DAAM1: variants seen among roughly 807,000 people sequenced by gnomAD.
DAAM1 encodes the protein dishevelled associated activator of morphogenesis 1.
Under a neutral mutation model 130.0 loss-of-function variants are expected in DAAM1, and 52 were observed. The ratio of observed to expected loss-of-function variants is 0.40; its 90% CI spans 0.32 to 0.50. DAAM1 has a LOEUF of 0.50. Ranked by LOEUF, DAAM1 falls within the 20% of genes least tolerant of loss-of-function variation. The probability of loss-of-function intolerance (pLI) is 0.61; values close to 1 mark genes in which losing one functional copy is unlikely to be tolerated. For missense variants in DAAM1, 1,134 were observed against 1,303.8 expected, an observed-to-expected ratio of 0.87 and a Z score of 2.01; for synonymous variants, 452 against 444.5, an observed-to-expected ratio of 1.02 and a Z score of -0.21.
At chr14:59,309,065 G>T (rs1357851220) in intron 3 of DAAM1, among the ~76,000 whole-genome samples, 1 of 152,212 alleles carries the variant, frequency 6.6e-6, no homozygotes, top group East Asian at 1.9e-4. Flanking sequence ...CTTTTGGCAA[G>T]CTTCAGATAT....
intron 1 of DAAM1, among the ~76,000 whole-genome samples, chr14:59,223,230 A>G (rs955899702): frequency 6.6e-6 from 1 of 152,232 alleles, no homozygotes; most frequent in Non-Finnish European, 1.5e-5. Context: ...CTGATCGTGT[A>G]TATACCACTT....
At chr14:59,368,580 T>C (rs567060826) in intron 24 of DAAM1, 70 bp from the exon 25 acceptor site, 1 of 1,476,278 alleles carries the variant, frequency 6.8e-7, no homozygotes, top group African/African-American at 1.4e-5. Context: ...TTTCAAGGAA[T>C]TGACCTCTAC....
intron 22 of DAAM1, chr14:59,362,412 ATT>A (rs1886743586): frequency 1.3e-5 from 2 of 152,200 alleles, no homozygotes; most frequent in South Asian, 4.1e-4. Context: ...AATTAATTAT[ATT>A]GTTTGAAGGT....
At chr14:59,258,572 G>A (rs905308785) in intron 1 of DAAM1, among the ~76,000 whole-genome samples, 15 of 152,220 alleles carry the variant, frequency 9.9e-5, no homozygotes, top group African/African-American at 3.4e-4. Context: ...GGCAGTTGTT[G>A]GGATCACTAG....
At chr14:59,355,841 A>T (rs1428778424) in intron 20 of DAAM1, among the ~76,000 whole-genome samples, 6 of 152,206 alleles carry the variant, frequency 3.9e-5, no homozygotes, top group Admixed American at 3.9e-4. Flanking sequence ...TGGTGTTAGA[A>T]TATGAAGCTT....
chr14:59,331,093 C>G, intron 13 of DAAM1, 116 bp from the exon 14 acceptor site: 1 of 1,493,018 alleles, frequency 6.7e-7, no homozygotes, highest in East Asian at 2.3e-5. Context: ...TTTAAACATT[C>G]TCAGAAGGGT....
At chr14:59,251,130 C>G (rs766258852) in intron 1 of DAAM1, among the ~76,000 whole-genome samples, 10 of 152,194 alleles carry the variant, frequency 6.6e-5, no homozygotes, top group Non-Finnish European at 1.5e-4. Flanking sequence ...AAACATTCCC[C>G]TACTAAAAGA....
chr14:59,288,518 G>A lies in DAAM1; in HGVS notation c.184-2699G>A, dbSNP rs540632799. Among the ~76,000 whole-genome samples the A allele has an allele frequency of 2.2e-4, 34 of 152,236 alleles. No homozygotes were observed. The South Asian group carries it at 6.8e-3, about 31-fold the overall frequency. On this transcript the variant is annotated intron_variant, in intron 2 of 24. Coordinates refer to ENST00000360909, the MANE Select transcript of DAAM1 (RefSeq NM_001270520.2). ...GACAATATTTGCAAAGTGTGCATCT[G>A]ACAAAGGTCTAATATCCAGAATCTA... is the stretch of plus-strand genomic sequence containing the variant.
intron 3 of DAAM1, among the ~76,000 whole-genome samples, chr14:59,305,040 G>A (rs1375827891): frequency 6.6e-6 from 1 of 152,206 alleles, no homozygotes; most frequent in Non-Finnish European, 1.5e-5. Flanking sequence ...AGGTGGGTCT[G>A]GTAGCTACAA....
chr14:59,348,330 C>T (rs570842383), intron 17 of DAAM1, among the ~76,000 whole-genome samples: 5 of 151,516 alleles, frequency 3.3e-5, no homozygotes, highest in East Asian at 3.9e-4. Flanking sequence ...GCCTCTCCAA[C>T]GGGATCATGG....
intron 1 of DAAM1, among the ~76,000 whole-genome samples, chr14:59,252,232 T>C (rs1881679471): frequency 6.6e-6 from 1 of 152,196 alleles, no homozygotes; most frequent in South Asian, 2.1e-4. Context: ...ATCTTGGTAA[T>C]CAGTTCACAA....
chr14:59,270,167 TTCTTA>T (rs1195022506), intron 2 of DAAM1, among the ~76,000 whole-genome samples: 7 of 152,176 alleles, frequency 4.6e-5, no homozygotes, highest in Admixed American at 2.0e-4. Flanking sequence ...CCTGAGTAGA[TTCTTA>T]TCTTAATCCA....
At chr14:59,232,189 C>T (rs182988634) in intron 1 of DAAM1, among the ~76,000 whole-genome samples, 1 of 152,246 alleles carries the variant, frequency 6.6e-6, no homozygotes, top group East Asian at 1.9e-4. Flanking sequence ...ACACCCATAC[C>T]TGTCACCACA....
rs756290376 is a variant in DAAM1 at position 59,325,647 on chromosome 14, C to T, written c.990-17C>T. The T allele has an allele frequency of 3.7e-6, 6 of 1,610,650 alleles. No individual in the cohort carries two copies. Among genetic ancestry groups the T allele is most frequent in the Non-Finnish European group, 4.2e-6 (5 of 1,177,700 alleles). On this transcript the variant is annotated splice_polypyrimidine_tract_variant and intron_variant, in intron 8 of 24. Coordinates refer to ENST00000360909, the MANE Select transcript of DAAM1 (RefSeq NM_001270520.2). ...TAGGATGTTCTACTTAATAACTTTTCTTTCATTATTTTTCAGGCATTTAGA... is the reference window on the plus strand; with the variant it reads ...TAGGATGTTCTACTTAATAACTTTTTTTTCATTATTTTTCAGGCATTTAGA...
At chr14:59,222,875 C>T (rs1311013794) in intron 1 of DAAM1, among the ~76,000 whole-genome samples, 3 of 152,202 alleles carry the variant, frequency 2.0e-5, no homozygotes, top group Non-Finnish European at 4.4e-5. Flanking sequence ...TATATAATTG[C>T]ATGTCTGGCC....
At chr14:59,300,166 A>G (rs995687672) in intron 3 of DAAM1, among the ~76,000 whole-genome samples, 1 of 152,204 alleles carries the variant, frequency 6.6e-6, no homozygotes, top group Non-Finnish European at 1.5e-5. Flanking sequence ...AATGGGGGAA[A>G]ATCCCTTTAT....
chr14:59,364,737 T>G (rs1282125524), intron 23 of DAAM1, among the ~76,000 whole-genome samples: 1 of 152,158 alleles, frequency 6.6e-6, no homozygotes, highest in Non-Finnish European at 1.5e-5. Context: ...ACATACCAGT[T>G]AAAGTTCAAA....
intron 3 of DAAM1, among the ~76,000 whole-genome samples, chr14:59,305,713 C>T (rs1006947946): frequency 3.9e-5 from 6 of 152,108 alleles, no homozygotes; most frequent in East Asian, 1.9e-4. Context: ...TACAGAAATG[C>T]GGTGATATTG....
chr14:59,196,692 G>C (rs2139384954), intron 1 of DAAM1, among the ~76,000 whole-genome samples: 1 of 152,042 alleles, frequency 6.6e-6, no homozygotes, highest in Non-Finnish European at 1.5e-5. Context: ...GCAGTGAGCT[G>C]AGATCCTGCC....
Sources: gnomAD v4.1 joint callset for allele counts (sites outside exome capture counted in the v4.1 genomes callset) on GRCh38, gnomAD v4.1.1 for gene constraint, MANE v1.5 for transcripts, NCBI Gene and HGNC (gene_info 2026-07-23, HGNC 2026-07-21) for gene names.